ETV6: variants seen among roughly 807,000 people sequenced by gnomAD.
ETV6 encodes the protein transcription factor ETV6.
Under a neutral mutation model 51.1 loss-of-function variants are expected in ETV6, and 16 were observed. The observed-to-expected ratio is 0.31, with a 90% CI of 0.21 to 0.48. ETV6 has a LOEUF of 0.48. Among genes scored for constraint, ETV6 ranks in the 20% least tolerant of loss-of-function variants. ETV6 has a pLI of 0.99. For synonymous variants in ETV6, 240 were observed against 224.1 expected (o/e 1.07, Z -0.64); for missense variants, 458 against 594.8 (o/e 0.77, Z 2.39).
chr12:11,764,063 A>G (rs1449741114), intron 2 of ETV6, among the ~76,000 whole-genome samples: 1 of 152,252 alleles, frequency 6.6e-6, no homozygotes, highest in Admixed American at 6.5e-5. Flanking sequence ...CTTTTGGATC[A>G]GGCATTATTT....
At chr12:11,846,230 T>A (rs1306000935) in intron 3 of ETV6, among the ~76,000 whole-genome samples, 39 of 147,502 alleles carry the variant, frequency 2.6e-4, no homozygotes, top group Non-Finnish European at 5.1e-4. Flanking sequence ...ACTCTTACTT[T>A]AAAAAAAAAA....
chr12:11,836,715 G>A (rs757550931), intron 2 of ETV6, among the ~76,000 whole-genome samples: 3 of 151,112 alleles, frequency 2.0e-5, no homozygotes, highest in East Asian at 1.9e-4. Flanking sequence ...ACCTCCCTCC[G>A]TTGCAGCGTG....
At chr12:11,824,896 A>G (rs549173878) in intron 2 of ETV6, among the ~76,000 whole-genome samples, 24 of 152,364 alleles carry the variant, frequency 1.6e-4, no homozygotes, top group African/African-American at 3.8e-4. Context: ...CATGAAAACA[A>G]TAGAAGAGAG....
chr12:11,879,915 C>G (rs772855737), intron 5 of ETV6, among the ~76,000 whole-genome samples: 10 of 151,526 alleles, frequency 6.6e-5, no homozygotes, highest in Non-Finnish European at 1.2e-4. Context: ...CTGAAAAATT[C>G]CAGGTGAGCC....
At position 11,791,974 on chromosome 12, in the gene ETV6, G is replaced by A. The variant is rs1043656635; in HGVS notation, c.163+39395G>A. Among the ~76,000 whole-genome samples the A allele has an allele frequency of 5.9e-5, 9 of 152,142 alleles. No homozygotes were observed. In the East Asian group the frequency reaches 7.7e-4, roughly 13 times the overall value. On this transcript the variant is annotated intron_variant, in intron 2 of 7. Coordinates refer to ENST00000396373, the MANE Select transcript of ETV6 (RefSeq NM_001987.5). ...AGAAGTGAGACATTTTGAGAACCCCGTTGGGAGGGTCGTACACATCACTGA... is the reference window on the plus strand; with the variant it reads ...AGAAGTGAGACATTTTGAGAACCCCATTGGGAGGGTCGTACACATCACTGA...
chr12:11,888,790 ACTCTGGG>A (rs1431601994), intron 7 of ETV6, among the ~76,000 whole-genome samples: 1 of 151,916 alleles, frequency 6.6e-6, no homozygotes, highest in African/African-American at 2.4e-5. Context: ...GAAGCCTCAA[ACTCTGGG>A]CTCAAGCCAT....
chr12:11,854,000 C>T (rs939416883), intron 4 of ETV6, among the ~76,000 whole-genome samples: 1 of 152,142 alleles, frequency 6.6e-6, no homozygotes, highest in African/African-American at 2.4e-5. Context: ...ATTTATTCTG[C>T]ACTTCATTTC....
intron 3 of ETV6, 54 bp downstream of exon 3, chr12:11,839,358 G>T: frequency 6.4e-7 from 1 of 1,560,970 alleles, no homozygotes; most frequent in Non-Finnish European, 8.7e-7. Context: ...CTTAGTTAGT[G>T]GTTGGTCTTT....
chr12:11,745,308 G>T (rs889197892), intron 1 of ETV6, among the ~76,000 whole-genome samples: 1 of 152,212 alleles, frequency 6.6e-6, no homozygotes. Flanking sequence ...TAGAGTAACT[G>T]TTCAGCCTCA....
At chr12:11,655,057 C>G (rs184828209) in intron 1 of ETV6, among the ~76,000 whole-genome samples, 67 of 152,224 alleles carry the variant, frequency 4.4e-4, no homozygotes, top group Non-Finnish European at 2.9e-5. Context: ...TTTGTGCACA[C>G]CAGGAAAGAG....
chr12:11,663,246 A>G (rs539433055), intron 1 of ETV6, among the ~76,000 whole-genome samples: 1 of 151,902 alleles, frequency 6.6e-6, no homozygotes, highest in African/African-American at 2.4e-5. Flanking sequence ...AGGTACAGCT[A>G]CCAAAGGCTC....
chr12:11,889,681 G>A lies in ETV6; in HGVS notation c.1254-1260G>A, dbSNP rs149030392. ...CATGATTTATACAAGAGCCAAGACC[G>A]CTAGACTGCATTGGGTTCATACTGA... On this transcript the variant is annotated intron_variant, in intron 7 of 7. Transcript: ENST00000396373. Among the ~76,000 whole-genome samples the A allele has an allele frequency of 8.0e-3, 1,225 of 152,260 alleles. 8 individuals carry two copies. The Middle Eastern group carries it at 0.088, about 11-fold the overall frequency.
rs1219199991 is a variant in ETV6 at position 11,892,745 on chromosome 12, C to T, written c.*1699C>T. On this transcript the variant is annotated 3_prime_UTR_variant, in exon 8 of 8. Coordinates refer to ENST00000396373, the MANE Select transcript of ETV6 (RefSeq NM_001987.5). ...AGTTACCAGACCCCTGGGCTTCTCC[C>T]CAGCTTTTTCTGAGTTGAGTCAGAC... is the stretch of plus-strand genomic sequence containing the variant. The T allele has an allele frequency of 4.3e-6, 1 of 232,900 alleles. No individual in the cohort carries two copies. Among genetic ancestry groups the T allele is most frequent in the Non-Finnish European group, 8.5e-6 (1 of 117,950 alleles). The allele number at this position is 232,900 out of a possible 1,614,324, so 14.4% of individuals were successfully genotyped here. A position where few individuals can be genotyped will look rare whatever the true frequency, so the allele number is the denominator to read the frequency against.
chr12:11,870,217 C>T (rs1226015689), intron 5 of ETV6, among the ~76,000 whole-genome samples: 2 of 152,030 alleles, frequency 1.3e-5, no homozygotes, highest in African/African-American at 2.4e-5. Flanking sequence ...GTCCAGCTTA[C>T]AAGGAGAGTC....
At chr12:11,732,831 G>A (rs1865627101) in intron 1 of ETV6, among the ~76,000 whole-genome samples, 1 of 152,188 alleles carries the variant, frequency 6.6e-6, no homozygotes, top group Non-Finnish European at 1.5e-5. Flanking sequence ...TAATCATTAT[G>A]TTAAATGATA....
At chr12:11,753,351 T>C (rs1419017799) in intron 2 of ETV6, among the ~76,000 whole-genome samples, 1 of 152,194 alleles carries the variant, frequency 6.6e-6, no homozygotes, top group Non-Finnish European at 1.5e-5. Flanking sequence ...TTTCTCATAC[T>C]GCCACCCAGC....
At chr12:11,725,082 G>A (rs1048072143) in intron 1 of ETV6, among the ~76,000 whole-genome samples, 5 of 151,686 alleles carry the variant, frequency 3.3e-5, no homozygotes, top group East Asian at 1.9e-4. Flanking sequence ...ACCTTGGGTC[G>A]CGGCACATCT....
rs572357825 is a variant in ETV6, at chr12:11,772,403, A to G, written c.163+19824A>G. Among the ~76,000 whole-genome samples the G allele has an allele frequency of 3.9e-5, 6 of 152,294 alleles. No homozygotes were observed. In the South Asian group the frequency reaches 1.2e-3, roughly 32 times the overall value. On this transcript the variant is annotated intron_variant, in intron 2 of 7. Coordinates refer to ENST00000396373, the MANE Select transcript of ETV6 (RefSeq NM_001987.5). The stretch of plus-strand genomic sequence containing the variant: ...CAACAGTCAAAGGTGTCCGAATAGT[A>G]AAGATGGTTTTCAGTGATCAGGTCT...
chr12:11,724,111 A>G (rs76974623), intron 1 of ETV6, among the ~76,000 whole-genome samples: 1,763 of 152,186 alleles, frequency 0.012, 29 homozygotes, highest in African/African-American at 0.04. Context: ...AGTACTGCCC[A>G]GTTACAGTTG....
Sources: allele counts gnomAD v4.1 joint callset (sites outside exome capture counted in the v4.1 genomes callset), GRCh38; gene constraint gnomAD v4.1.1; transcripts MANE v1.5; gene names NCBI Gene and HGNC (gene_info 2026-07-23, HGNC 2026-07-21).